Variants in OBSL1 observed in about 807,000 individuals in gnomAD.
The protein encoded by OBSL1 is obscurin like cytoskeletal adaptor 1, also known as obscurin-like protein 1.
A neutral mutation model predicts 172.0 loss-of-function variants in OBSL1; 160 were observed. The observed-to-expected ratio is 0.93, with a 90% CI of 0.82 to 1.06. The LOEUF is 1.06. Among genes scored for constraint, OBSL1 ranks in the 50% least tolerant of loss-of-function variants. The pLI is 0.00. For missense variants in OBSL1, 2,681 were observed against 2,715.4 expected, an observed-to-expected ratio of 0.99 and a Z score of 0.28; for synonymous variants, 1,200 against 1,196.3, an observed-to-expected ratio of 1.00 and a Z score of -0.06.
At chr2:219,549,252 C>T (rs766617290), downstream of OBSL1, 20 of 1,613,854 alleles carry the variant, frequency 1.2e-5, 1 homozygote, top group South Asian at 2.2e-4. Context: ...CTCGGGCTCC[C>T]CTCAGAGGTC....
At chr2:219,547,296 T>C (rs1695408608), downstream of OBSL1, 1 of 450,268 alleles carries the variant, frequency 2.2e-6, no homozygotes, top group African/African-American at 2.0e-5. Context: ...TGCCTTCCCA[T>C]TGACCACCAA....
chr2:219,571,272 G>GC lies in OBSL1; in HGVS notation c.-41dup. 3 of 1,156,822 alleles carry GC rather than the reference G, an allele frequency of 2.6e-6. No individual in the cohort carries two copies. Among genetic ancestry groups the GC allele is most frequent in the Non-Finnish European group, 3.3e-6 (3 of 910,548 alleles). The allele number at this position is 1,156,822 out of a possible 1,614,324, so 71.7% of individuals were successfully genotyped here. ...GCCTGCAGCGGCGAACGGTGGGGGG[G>GC]CAGGGGGGGGTGCGGAGGGCGAGCC... On this transcript the variant is annotated 5_prime_UTR_variant, in exon 1 of 21. Coordinates refer to ENST00000404537, the MANE Select transcript of OBSL1 (RefSeq NM_015311.3).
At position 219,571,097 on chromosome 2, in the gene OBSL1, C is replaced by T; in HGVS notation, c.136G>A (p.Glu46Lys). ...GCCGCCAGCTGCTGCCCGCCCTTCT[C>T]CCACACCACTACAGGCGGCGGCTCC... Reference protein sequence around the residue: ...LGEPPPVVVWEKGGQQLAASE... With the variant: ...LGEPPPVVVWKKGGQQLAASE... The change falls in exon 1 of 21, where the codon GAG becomes AAG. Residue 46 changes from glutamate (E) to lysine (K), a missense_variant. By Grantham distance (56) the Glu-to-Lys change is moderately conservative. This residue lies in a region of OBSL1 where 90 missense variants were observed against 76.6 expected (regional missense o/e 1.18). Coordinates refer to ENST00000404537, the MANE Select transcript of OBSL1 (RefSeq NM_015311.3). The T allele has an allele frequency of 6.8e-7, 1 of 1,467,928 alleles. No individual in the cohort carries two copies. Among genetic ancestry groups the T allele is most frequent in the Non-Finnish European group, 9.0e-7 (1 of 1,113,994 alleles). 90.9% of individuals were successfully genotyped at this position (1,467,928 alleles called of 1,614,324 possible). A position where few individuals can be genotyped will look rare whatever the true frequency, so the allele number is the denominator to read the frequency against.
chr2:219,552,350 C>G (rs925877282), intron 18 of OBSL1, 134 bp from the exon 19 acceptor site: 80 of 930,546 alleles, frequency 8.6e-5, no homozygotes, highest in Non-Finnish European at 1.2e-4. Flanking sequence ...AACAGGGATG[C>G]GGAGCGGGAA....
At chr2:219,559,615 A>G (rs997562618) in intron 8 of OBSL1, 118 bp from the exon 9 acceptor site, 2 of 860,386 alleles carry the variant, frequency 2.3e-6, no homozygotes, top group Non-Finnish European at 3.6e-6. Flanking sequence ...GTAAAATAAT[A>G]ATAAGCAATA....
At chr2:219,561,572 G>T in intron 8 of OBSL1, 1 of 367,362 alleles carries the variant, frequency 2.7e-6, no homozygotes, top group Non-Finnish European at 5.1e-6. Context: ...GCCAGGCTGT[G>T]CAGTCCTAGA....
intron 14 of OBSL1, chr2:219,555,070 CAT>C (rs1458988610): frequency 1.4e-5 from 5 of 348,270 alleles, no homozygotes; most frequent in Non-Finnish European, 2.7e-5. Context: ...CGCTCTACCA[CAT>C]AGTTTGTGTG....
Position 219,553,702 on chromosome 2 carries a change from G to A in OBSL1, c.4877-16C>T, listed in dbSNP as rs750829684. ...ACTGGGACCTCTGGGGGTGGGAGAG[G>A]GAGGACAGTGCAGAGGGAGCAGGAT... On this transcript the variant is annotated splice_polypyrimidine_tract_variant and intron_variant, in intron 15 of 20. Transcript: ENST00000404537. 7 of 1,587,784 alleles carry A rather than the reference G, an allele frequency of 4.4e-6. No individual in the cohort carries two copies. Among genetic ancestry groups the A allele is most frequent in the Non-Finnish European group, 6.0e-6 (7 of 1,157,812 alleles).
At chr2:219,548,081 G>A, downstream of OBSL1, 1 of 1,545,668 alleles carries the variant, frequency 6.5e-7, no homozygotes, top group African/African-American at 1.3e-5. Context: ...CCACACGGAA[G>A]GTAAGGGGGC....
In OBSL1 at chr2:219,557,579, G is replaced by T. The variant is rs778186984; in HGVS notation, c.3830C>A (p.Thr1277Lys). 6.5e-6 allele frequency: 10 copies of T among 1,548,200 alleles called. No individual in the cohort carries two copies. Among genetic ancestry groups the T allele is most frequent in the Non-Finnish European group, 8.7e-6 (10 of 1,145,218 alleles). Residue 1277 changes from threonine (T) to lysine (K), a missense_variant, in exon 12 of 21, where the codon ACG becomes AAG. Physicochemically the swap from Thr to Lys is moderately conservative, Grantham distance 78. Around this residue, in one of 5 missense-constraint regions of OBSL1, gnomAD observed 1,765 missense variants for 1,748.3 expected, o/e 1.01. Transcript: ENST00000404537. ...CCCGCCTGGGGTGCTCCGAACCCTC[G>T]TCTGGGCTGCCTCGGGAGCTACCAC... ...VRVVAPEAAQTRVRSTPGGDL... is the reference protein window; with the variant it reads ...VRVVAPEAAQKRVRSTPGGDL...
chr2:219,562,539 A>G lies in OBSL1; in HGVS notation c.2816T>C (p.Val939Ala). Residue 939 changes from valine to alanine, a missense_variant, in exon 8 of 21, where the codon GTG becomes GCG. Physicochemically the swap from Val to Ala is moderately conservative, Grantham distance 64. Coordinates refer to ENST00000404537, the MANE Select transcript of OBSL1 (RefSeq NM_015311.3). ...CTGCAGGAGCAGCGCGGGGCTCTCC[A>G]CCACCTCCTCTCCATCCTTGGTCCA... ...VRWTKDGEEV[V>A]ESPALLLQKE... is the part of the protein sequence containing the mutation. 1.2e-6 allele frequency: 2 copies of G among 1,613,862 alleles called. No homozygotes were observed. Among genetic ancestry groups the G allele is most frequent in the Non-Finnish European group, 8.5e-7 (1 of 1,179,862 alleles).
chr2:219,568,159 G>C lies in OBSL1; in HGVS notation c.1178C>G (p.Thr393Ser). Residue 393 changes from threonine to serine, a missense_variant, in exon 2 of 21, where the codon ACT becomes AGT. Thr to Ser is a moderately conservative substitution (Grantham distance 58). Coordinates refer to ENST00000404537, the MANE Select transcript of OBSL1 (RefSeq NM_015311.3). The surrounding 1 kb of genome is among the most constrained non-coding windows in gnomAD (Gnocchi z 4.1). ...CRKYEQIEEG[T>S]VRRLIIHRLK... ...CCTGTGGATGATGAGGCGCCGGACA[G>C]TGCCCTCTTCGATCTGCTCGTACTT... The C allele has an allele frequency of 6.2e-7, 1 of 1,613,824 alleles. No individual in the cohort carries two copies. The highest frequency in any genetic ancestry group is 8.5e-7 in the Non-Finnish European group (1 of 1,179,892).
At chr2:219,547,401 T>C (rs1695410667), downstream of OBSL1, 3 of 918,300 alleles carry the variant, frequency 3.3e-6, no homozygotes, top group Non-Finnish European at 4.5e-6. Flanking sequence ...CTTAGTGTCT[T>C]TGTCTCTGGT....
At chr2:219,560,612 G>C (rs1010870525) in intron 8 of OBSL1, among the ~76,000 whole-genome samples, 1 of 152,124 alleles carries the variant, frequency 6.6e-6, no homozygotes, top group Non-Finnish European at 1.5e-5. Flanking sequence ...GCCAGGGTTG[G>C]GGGGGTGGGG....
At chr2:219,564,387 A>G (rs937032155) in intron 6 of OBSL1, among the ~76,000 whole-genome samples, 3 of 152,218 alleles carry the variant, frequency 2.0e-5, no homozygotes, top group Non-Finnish European at 4.4e-5. Flanking sequence ...TCGCCAAGCT[A>G]TGGTGTGACG....
rs781059899 is a variant in OBSL1 at position 219,567,268 on chromosome 2, C to G, written c.1837+5G>C. 1 of 1,585,850 alleles carries G rather than the reference C, an allele frequency of 6.3e-7. No individual in the cohort carries two copies. The highest frequency in any genetic ancestry group is 8.6e-7 in the Non-Finnish European group (1 of 1,161,890). On this transcript the variant is annotated splice_donor_5th_base_variant and intron_variant, in intron 4 of 20. Transcript: ENST00000404537. ...TGATGGGTGGGTCTGGCAGGACCAA[C>G]TCACCAAGGTGAGCAGAACCGTGGA...
Position 219,567,950 on chromosome 2 carries a change from C to T in OBSL1, c.1302G>A (p.Leu434=), listed in dbSNP as rs775708220. 1 of 1,613,808 alleles carries T rather than the reference C, an allele frequency of 6.2e-7. No individual in the cohort carries two copies. The highest frequency in any genetic ancestry group is 8.5e-7 in the Non-Finnish European group (1 of 1,179,872). The part of the protein sequence containing the change: ...VTVKGPILKR[L]PRKLDVLEGE... ...CTTCCAGGACGTCGAGCTTCCGGGG[C>T]AGGCGCTTCAGGATGGGCCCTGAGA... is the stretch of plus-strand genomic sequence containing the variant. The change falls in exon 3 of 21, where the codon CTG becomes CTA. Residue 434 remains leucine, a synonymous_variant. Transcript: ENST00000404537.
Position 219,565,359 on chromosome 2 carries a change from C to T in OBSL1, c.2290G>A (p.Val764Met). 6.2e-7 allele frequency: 1 copy of T among 1,614,054 alleles called. No individual in the cohort carries two copies. The highest frequency in any genetic ancestry group is 1.1e-5 in the South Asian group (1 of 91,082). ...QKVEESELLV[V>M]KMDGRKHRLI... ...CGGTGTTTGCGCCCATCCATCTTCACCACCAGCAACTCGCTCTCCTCCACC... is the reference window on the plus strand; with the variant it reads ...CGGTGTTTGCGCCCATCCATCTTCATCACCAGCAACTCGCTCTCCTCCACC... The change falls in exon 6 of 21, where the codon GTG becomes ATG. Residue 764 changes from valine to methionine, a missense_variant. Physicochemically the swap from Val to Met is conservative, Grantham distance 21. Coordinates refer to ENST00000404537, the MANE Select transcript of OBSL1 (RefSeq NM_015311.3).
intron 6 of OBSL1, 92 bp downstream of exon 6, chr2:219,565,150 T>C (rs1016938134): frequency 3.0e-6 from 4 of 1,347,530 alleles, no homozygotes; most frequent in East Asian, 2.5e-5. Flanking sequence ...TGTAAAGGAC[T>C]CCCCCAAGTA....
Sources: allele counts gnomAD v4.1 joint callset (sites outside exome capture counted in the v4.1 genomes callset), GRCh38; gene constraint gnomAD v4.1.1; regional missense constraint gnomAD v4.1.1; non-coding constraint Gnocchi (gnomAD v3.1); transcripts MANE v1.5; gene names NCBI Gene and HGNC (gene_info 2026-07-23, HGNC 2026-07-21).